Variants in CAMK1D observed in about 807,000 individuals in gnomAD.
CAMK1D encodes the protein calcium/calmodulin dependent protein kinase ID, also known as calcium/calmodulin-dependent protein kinase type 1D.
CAMK1D carries 9 observed loss-of-function variants against 47.7 expected under a neutral mutation model. That is an observed-to-expected ratio of 0.19 (90% CI 0.11 to 0.33). CAMK1D has a LOEUF of 0.33. CAMK1D is among the 10% of genes least tolerant of loss of function. CAMK1D has a pLI of 1.00. For synonymous variants in CAMK1D, 184 were observed against 184.9 expected, an observed-to-expected ratio of 0.99 and a Z score of 0.04; for missense variants, 291 against 488.7, an observed-to-expected ratio of 0.60 and a Z score of 3.81.
At chr10:12,700,724 A>C (rs1268979342) in intron 3 of CAMK1D, among the ~76,000 whole-genome samples, 1 of 152,226 alleles carries the variant, frequency 6.6e-6, no homozygotes, top group East Asian at 1.9e-4. Flanking sequence ...GCACAGTGTC[A>C]TCTTGTTTGA....
At chr10:12,487,047 A>T (rs567785849) in intron 1 of CAMK1D, among the ~76,000 whole-genome samples, 2 of 152,234 alleles carry the variant, frequency 1.3e-5, no homozygotes, top group African/African-American at 4.8e-5. Context: ...GTTCAGGGGT[A>T]CATGTGTAAG....
intron 3 of CAMK1D, among the ~76,000 whole-genome samples, chr10:12,711,788 C>T (rs769664855): frequency 7.2e-5 from 11 of 152,144 alleles, no homozygotes; most frequent in Non-Finnish European, 1.5e-4. Flanking sequence ...ACAGAAACAC[C>T]AGTGCTAGTC....
intron 3 of CAMK1D, among the ~76,000 whole-genome samples, chr10:12,715,714 T>C (rs1289224977): frequency 6.9e-6 from 1 of 144,084 alleles, no homozygotes; most frequent in Admixed American, 7.2e-5. Context: ...AAGTGTGGGA[T>C]GGCATTTGCC....
intron 2 of CAMK1D, among the ~76,000 whole-genome samples, chr10:12,608,193 T>A (rs1044000843): frequency 6.6e-6 from 1 of 151,934 alleles, no homozygotes; most frequent in Non-Finnish European, 1.5e-5. Flanking sequence ...CCAAGGTGGG[T>A]GGATCACTTG....
intron 2 of CAMK1D, among the ~76,000 whole-genome samples, chr10:12,568,886 T>C (rs1588642738): frequency 1.3e-5 from 2 of 152,214 alleles, no homozygotes; most frequent in East Asian, 3.8e-4. Context: ...CCACTGTTAT[T>C]ATTAAGTCCA....
chr10:12,392,808 C>G (rs911963005), intron 1 of CAMK1D, among the ~76,000 whole-genome samples: 1 of 152,078 alleles, frequency 6.6e-6, no homozygotes, highest in Non-Finnish European at 1.5e-5. Flanking sequence ...CCCCCTGACC[C>G]CCAGGCCCAG....
intron 1 of CAMK1D, among the ~76,000 whole-genome samples, chr10:12,544,844 C>T (rs1172215361): frequency 6.6e-6 from 1 of 151,646 alleles, no homozygotes; most frequent in African/African-American, 2.4e-5. Context: ...GTGGATAGTA[C>T]TAGTGTTGAG....
In CAMK1D at chr10:12,411,320, C is replaced by A. The variant is rs184872464; in HGVS notation, c.92+61410C>A. On this transcript the variant is annotated intron_variant, in intron 1 of 10. Coordinates refer to ENST00000619168, the MANE Select transcript of CAMK1D (RefSeq NM_153498.4). ...TGAAACATTAGAGCTTTAGGCTGTGCTTCCACCATGCGGATCCACATTGGT... is the reference window on the plus strand; with the variant it reads ...TGAAACATTAGAGCTTTAGGCTGTGATTCCACCATGCGGATCCACATTGGT... Among the ~76,000 whole-genome samples the A allele has an allele frequency of 1.1e-3, 175 of 152,352 alleles. 1 individual carries two copies. The highest frequency in any genetic ancestry group is 4.0e-3 in the African/African-American group (167 of 41,588).
chr10:12,600,073 C>T (rs1021738699), intron 2 of CAMK1D, among the ~76,000 whole-genome samples: 2 of 152,084 alleles, frequency 1.3e-5, no homozygotes, highest in African/African-American at 4.8e-5. Context: ...CCACTGCACT[C>T]CAGCCTTGGC....
At position 12,694,070 on chromosome 10, in the gene CAMK1D, TA is replaced by T. The variant is rs1302756421; in HGVS notation, c.299+27266del. ...TAATATATATTATATATATAATATA[TA>T]AAAAATATTATGTATAATATATATT... On this transcript the variant is annotated intron_variant, in intron 3 of 10. Transcript: ENST00000619168. Among the ~76,000 whole-genome samples, 31 of 58,748 alleles carry T rather than the reference TA, an allele frequency of 5.3e-4. 1 individual carries two copies. In the Admixed American group the frequency reaches 5.5e-3, roughly 10 times the overall value. The allele number at this position is 58,748 out of a possible 152,430, so 38.5% of individuals were successfully genotyped here. A position where few individuals can be genotyped will look rare whatever the true frequency, so the allele number is the denominator to read the frequency against.
At position 12,395,193 on chromosome 10, in the gene CAMK1D, T is replaced by C. The variant is rs546160890; in HGVS notation, c.92+45283T>C. The stretch of plus-strand genomic sequence containing the variant: ...TTCAAGCAGTCCTCCCACCTCAGTC[T>C]CCCAGGTAGCTAGGTGCATACCACT... On this transcript the variant is annotated intron_variant, in intron 1 of 10. Coordinates refer to ENST00000619168, the MANE Select transcript of CAMK1D (RefSeq NM_153498.4). 5.3e-5 allele frequency among the ~76,000 whole-genome samples: 8 copies of C among 150,650 alleles called. No individual in the cohort carries two copies. The East Asian group carries it at 1.6e-3, about 30-fold the overall frequency.
intron 2 of CAMK1D, among the ~76,000 whole-genome samples, chr10:12,661,884 T>A (rs1840283608): frequency 6.6e-6 from 1 of 152,252 alleles, no homozygotes; most frequent in Non-Finnish European, 1.5e-5. Context: ...CTAACATGGG[T>A]TACTAAGAAC....
chr10:12,821,136 G>A (rs1644425), intron 8 of CAMK1D, among the ~76,000 whole-genome samples: 117,354 of 152,082 alleles, frequency 0.77, 45,341 homozygotes, highest in East Asian at 0.82. Flanking sequence ...GTTGCAGCTC[G>A]AGTCCGAAGG....
intron 1 of CAMK1D, chr10:12,415,890 C>T (rs780031401): frequency 6.6e-6 from 1 of 151,546 alleles, no homozygotes; most frequent in Non-Finnish European, 1.5e-5. Context: ...ATTGGAGCCT[C>T]GACCTCCTGG....
At chr10:12,448,169 T>C (rs1832977041) in intron 1 of CAMK1D, among the ~76,000 whole-genome samples, 1 of 151,768 alleles carries the variant, frequency 6.6e-6, no homozygotes, top group Admixed American at 6.6e-5. Flanking sequence ...TACTTACTTT[T>C]ACTTTTTGTA....
At chr10:12,652,015 G>A (rs915534697) in intron 2 of CAMK1D, among the ~76,000 whole-genome samples, 36 of 151,742 alleles carry the variant, frequency 2.4e-4, no homozygotes, top group Middle Eastern at 3.4e-3. Context: ...TCCTGACCTC[G>A]TGATCTGCCC....
At chr10:12,354,910 T>C (rs1837463413) in intron 1 of CAMK1D, among the ~76,000 whole-genome samples, 1 of 150,124 alleles carries the variant, frequency 6.7e-6, no homozygotes, top group Non-Finnish European at 1.5e-5. Context: ...GGTGCGATCA[T>C]AGCTCACTGC....
intron 2 of CAMK1D, among the ~76,000 whole-genome samples, chr10:12,631,688 C>CT (rs58291909): frequency 0.35 from 50,174 of 144,110 alleles, 8,822 homozygotes; most frequent in South Asian, 0.44. Flanking sequence ...CACGTTAATC[C>CT]TTTTTTTTTT....
intron 1 of CAMK1D, among the ~76,000 whole-genome samples, chr10:12,361,790 A>C (rs532984734): frequency 1.3e-5 from 2 of 150,924 alleles, no homozygotes; most frequent in East Asian, 3.9e-4. Flanking sequence ...TCCTGACCTC[A>C]AATGACCCAC....
Sources: gnomAD v4.1 joint callset for allele counts (sites outside exome capture counted in the v4.1 genomes callset) on GRCh38, gnomAD v4.1.1 for gene constraint, MANE v1.5 for transcripts, NCBI Gene and HGNC (gene_info 2026-07-23, HGNC 2026-07-21) for gene names.